The following SRRT variants were observed in gnomAD, a reference collection of about 807,000 sequenced individuals.
SRRT encodes serrate, RNA effector molecule.
In SRRT, 32 loss-of-function variants were observed where a neutral mutation model predicts 103.2. That is an observed-to-expected ratio of 0.31 (90% confidence interval 0.23 to 0.42). SRRT has a LOEUF of 0.42. Among genes scored for constraint, SRRT ranks in the 10% least tolerant of loss-of-function variants. SRRT has a pLI of 1.00. For missense variants in SRRT, 986 were observed against 1,207.5 expected, an observed-to-expected ratio of 0.82 and a Z score of 2.72; for synonymous variants, 525 against 449.0, an observed-to-expected ratio of 1.17 and a Z score of -2.14.
Position 100,881,703 on chromosome 7 carries a change from C to T in SRRT, c.296C>T (p.Pro99Leu). 2 of 1,614,036 alleles carry T rather than the reference C, an allele frequency of 1.2e-6. No homozygotes were observed. Among genetic ancestry groups the T allele is most frequent in the Admixed American group, 1.7e-5 (1 of 60,012 alleles). The change falls in exon 4 of 20, where the codon CCC (proline) becomes CTC (leucine). Residue 99 changes from proline (P) to leucine (L), a missense_variant. This residue lies in a region of SRRT where 274 missense variants were observed against 358.5 expected (regional missense o/e 0.76). Coordinates refer to ENST00000611405, the MANE Select transcript of SRRT (RefSeq NM_015908.6). ...SDPYHSGYEM[P>L]YAGGGGGPTY... The stretch of plus-strand genomic sequence containing the variant: ...CCATACCACAGTGGCTATGAGATGC[C>T]CTATGCTGGGGGGGGTGGGGGCCCA...
rs1392212542 is a variant in SRRT, at chr7:100,881,702, C to T, written c.295C>T (p.Pro99Ser). The T allele has an allele frequency of 2.5e-6, 4 of 1,614,054 alleles. No individual in the cohort carries two copies. The highest frequency in any genetic ancestry group is 3.4e-6 in the Non-Finnish European group (4 of 1,180,008). ...SDPYHSGYEMPYAGGGGGPTY... is the reference protein window; with the variant it reads ...SDPYHSGYEMSYAGGGGGPTY... ...CCCATACCACAGTGGCTATGAGATGCCCTATGCTGGGGGGGGTGGGGGCCC... is the reference window on the plus strand; with the variant it reads ...CCCATACCACAGTGGCTATGAGATGTCCTATGCTGGGGGGGGTGGGGGCCC... Residue 99 changes from proline (P) to serine (S), a missense_variant, in exon 4 of 20, where the codon CCC (proline) becomes TCC (serine). By Grantham distance (74) the Pro-to-Ser change is moderately conservative (BLOSUM62 -1). This residue lies in a region of SRRT where 274 missense variants were observed against 358.5 expected (regional missense o/e 0.76). Coordinates refer to ENST00000611405, the MANE Select transcript of SRRT (RefSeq NM_015908.6).
Position 100,882,284 on chromosome 7 carries a change from C to T in SRRT, c.587+43C>T, listed in dbSNP as rs750297183. 5.6e-6 allele frequency: 9 copies of T among 1,593,200 alleles called. No individual in the cohort carries two copies. The South Asian group carries it at 9.0e-5, about 16-fold the overall frequency. ...CCTGGACCTCTGCCCTGGCATGTCC[C>T]CCTGGCCCCGCTGGTGGAGCCACAG... On this transcript the variant is annotated intron_variant, in intron 5 of 19. Coordinates refer to ENST00000611405, the MANE Select transcript of SRRT (RefSeq NM_015908.6). The surrounding 1 kb of genome is among the most constrained non-coding windows in gnomAD (Gnocchi z 4.2).
Position 100,875,132 on chromosome 7 carries a change from C to G in SRRT, c.-215C>G, listed in dbSNP as rs1300738784. 6.2e-6 allele frequency: 1 copy of G among 160,886 alleles called. No individual in the cohort carries two copies. Among genetic ancestry groups the G allele is most frequent in the Non-Finnish European group, 1.4e-5 (1 of 72,650 alleles). 10.0% of individuals were successfully genotyped at this position (160,886 alleles called of 1,614,324 possible). On this transcript the variant is annotated 5_prime_UTR_variant, in exon 1 of 20. Transcript: ENST00000611405. Reference sequence around the variant, plus strand: ...CTTTGTGCCTCGGAGGCGTGGGTGACGCAGGCGCAGCGCGGGCTGCGCGCG... The same window carrying G: ...CTTTGTGCCTCGGAGGCGTGGGTGAGGCAGGCGCAGCGCGGGCTGCGCGCG...
chr7:100,876,997 C>G (rs1462711647), intron 2 of SRRT, among the ~76,000 whole-genome samples: 1 of 152,080 alleles, frequency 6.6e-6, no homozygotes, highest in Non-Finnish European at 1.5e-5. Flanking sequence ...CATAGGGGGT[C>G]TCCGAGGCTA....
intron 12 of SRRT, 108 bp downstream of exon 12, chr7:100,886,049 T>C: frequency 7.1e-7 from 1 of 1,400,232 alleles, no homozygotes; most frequent in African/African-American, 1.4e-5. Context: ...TGCACACTCT[T>C]TGACCGTTTT....
At chr7:100,886,693 G>T in intron 13 of SRRT, 102 bp from the exon 14 acceptor site, 1 of 1,348,056 alleles carries the variant, frequency 7.4e-7, no homozygotes, top group East Asian at 2.4e-5. Flanking sequence ...ATTTATGTCC[G>T]GTGAACTCCT....
Position 100,887,236 on chromosome 7 carries a change from C to CT in SRRT, c.1975+37dup. 1 of 1,613,296 alleles carries CT rather than the reference C, an allele frequency of 6.2e-7. No individual in the cohort carries two copies. The highest frequency in any genetic ancestry group is 8.5e-7 in the Non-Finnish European group (1 of 1,179,382). On this transcript the variant is annotated intron_variant, in intron 15 of 19. Transcript: ENST00000611405. The surrounding 1 kb of genome is among the most constrained non-coding windows in gnomAD (Gnocchi z 4.1). ...GGTTCCCCTTTGTTCCCGGCTGCCCCTGGCCTTGGTCCTCCAGCCCCTTGC... is the reference window on the plus strand; with the variant it reads ...GGTTCCCCTTTGTTCCCGGCTGCCCCTTGGCCTTGGTCCTCCAGCCCCTTGC...
chr7:100,875,186 T>G lies in SRRT; in HGVS notation c.-161T>G. On this transcript the variant is annotated 5_prime_UTR_variant, in exon 1 of 20. Coordinates refer to ENST00000611405, the MANE Select transcript of SRRT (RefSeq NM_015908.6). ...CTGCCCATCCCCGGTTGTCCCACTT[T>G]TGTTCGCCTCTCTTCGGCCCTCTAC... 1 of 185,072 alleles carries G rather than the reference T, an allele frequency of 5.4e-6. No individual in the cohort carries two copies. Among genetic ancestry groups the G allele is most frequent in the Admixed American group, 5.6e-5 (1 of 17,986 alleles). 11.5% of individuals were successfully genotyped at this position (185,072 alleles called of 1,614,324 possible).
Position 100,888,153 on chromosome 7 carries a change from G to A in SRRT, c.2428+10G>A, listed in dbSNP as rs367787853. 8 of 1,608,554 alleles carry A rather than the reference G, an allele frequency of 5.0e-6. No individual in the cohort carries two copies. In the African/African-American group the frequency reaches 9.4e-5, roughly 19 times the overall value. Reference sequence around the variant, plus strand: ...ATCTTGGGCTATGGAGGTAAGTACAGGAGGGAGATGAAGGGGCTTGGTGAG... The same window carrying A: ...ATCTTGGGCTATGGAGGTAAGTACAAGAGGGAGATGAAGGGGCTTGGTGAG... On this transcript the variant is annotated intron_variant, in intron 18 of 19. Transcript: ENST00000611405.
At chr7:100,879,048 G>A (rs553987791) in intron 2 of SRRT, among the ~76,000 whole-genome samples, 6 of 151,758 alleles carry the variant, frequency 4.0e-5, no homozygotes, top group African/African-American at 1.2e-4. Context: ...TCCATCTTCC[G>A]GGTTCAAAAC....
In SRRT at chr7:100,887,584, A is replaced by G. The variant is rs2115904487; in HGVS notation, c.2169+71A>G. 1 of 1,587,200 alleles carries G rather than the reference A, an allele frequency of 6.3e-7. No individual in the cohort carries two copies. The highest frequency in any genetic ancestry group is 2.2e-5 in the East Asian group (1 of 44,594). On this transcript the variant is annotated intron_variant, in intron 16 of 19. Coordinates refer to ENST00000611405, the MANE Select transcript of SRRT (RefSeq NM_015908.6). The surrounding 1 kb of genome is among the most constrained non-coding windows in gnomAD (Gnocchi z 4.1). ...GGTTGAGACAGGAAGCCCCCTGGGC[A>G]GGGGTGGGGGAACTGCTTACTGCAC... is the stretch of plus-strand genomic sequence containing the variant.
intron 5 of SRRT, 127 bp from the exon 6 acceptor site, chr7:100,883,943 A>G (rs935575273): frequency 3.7e-6 from 4 of 1,067,138 alleles, no homozygotes; most frequent in Non-Finnish European, 5.3e-6. Flanking sequence ...TAATCTCTCT[A>G]TTTTGATGAC....
rs750835869 is a variant in SRRT at position 100,886,806 on chromosome 7, G to A, written c.1659G>A (p.Ser553=). ...GTPPLPTSLP[S]QNPILKNITD... ...CTTCCTCCCATCAGAGCCTGCCCTC[G>A]CAAAACCCGATCTTGAAGAATATCA... The change falls in exon 14 of 20, where the codon TCG becomes TCA. Residue 553 remains serine (S), a synonymous_variant. Coordinates refer to ENST00000611405, the MANE Select transcript of SRRT (RefSeq NM_015908.6). The A allele has an allele frequency of 5.0e-6, 8 of 1,614,020 alleles. No individual in the cohort carries two copies. Among genetic ancestry groups the A allele is most frequent in the Middle Eastern group, 1.6e-4 (1 of 6,062 alleles).
intron 1 of SRRT, 56 bp from the exon 2 acceptor site, chr7:100,875,517 T>TC (rs1259292315): frequency 3.1e-6 from 5 of 1,598,306 alleles, no homozygotes; most frequent in Non-Finnish European, 4.3e-6. Context: ...CGAGGGACGG[T>TC]CCCTTCCTCC....
chr7:100,877,830 A>G (rs1022441980), intron 2 of SRRT, among the ~76,000 whole-genome samples: 4 of 152,136 alleles, frequency 2.6e-5, no homozygotes, highest in Admixed American at 1.3e-4. Context: ...AAGAGTACGC[A>G]TGTGATTGAG....
Position 100,886,817 on chromosome 7 carries a change from T to C in SRRT, c.1670T>C (p.Ile557Thr). 4 of 1,614,030 alleles carry C rather than the reference T, an allele frequency of 2.5e-6. No individual in the cohort carries two copies. Among genetic ancestry groups the C allele is most frequent in the Non-Finnish European group, 3.4e-6 (4 of 1,180,006 alleles). Residue 557 changes from isoleucine (I) to threonine (T), a missense_variant, in exon 14 of 20, where the codon ATC becomes ACC. Coordinates refer to ENST00000611405, the MANE Select transcript of SRRT (RefSeq NM_015908.6). ...LPTSLPSQNPILKNITDYLIE... is the reference protein window; with the variant it reads ...LPTSLPSQNPTLKNITDYLIE... ...CAGAGCCTGCCCTCGCAAAACCCGATCTTGAAGAATATCACCGACTACCTG... is the reference window on the plus strand; with the variant it reads ...CAGAGCCTGCCCTCGCAAAACCCGACCTTGAAGAATATCACCGACTACCTG...
Position 100,880,463 on chromosome 7 carries a change from T to C in SRRT, c.123-822T>C, listed in dbSNP as rs186731811. On this transcript the variant is annotated intron_variant, in intron 2 of 19. Transcript: ENST00000611405. ...GACTACAGGTGGCTGCCACCACGCCTGGCTAATTTTTTTTTGTATTTTTAG... is the reference window on the plus strand; with the variant it reads ...GACTACAGGTGGCTGCCACCACGCCCGGCTAATTTTTTTTTGTATTTTTAG... 1.7e-3 allele frequency among the ~76,000 whole-genome samples: 256 copies of C among 152,180 alleles called. 1 individual carries two copies. Among genetic ancestry groups the C allele is most frequent in the African/African-American group, 6.0e-3 (248 of 41,512 alleles).
intron 2 of SRRT, among the ~76,000 whole-genome samples, chr7:100,876,198 C>G (rs1266014615): frequency 6.6e-6 from 1 of 152,160 alleles, no homozygotes; most frequent in African/African-American, 2.4e-5. Context: ...GTCGCCCAGG[C>G]TGGAGTGCAA....
intron 2 of SRRT, among the ~76,000 whole-genome samples, chr7:100,879,824 A>G (rs12705093): frequency 0.06 from 8,991 of 149,704 alleles, 437 homozygotes; most frequent in Non-Finnish European, 0.091. Flanking sequence ...AAAAAAAAAA[A>G]AAGAAGAAGA....
Sources: allele counts gnomAD v4.1 joint callset (sites outside exome capture counted in the v4.1 genomes callset), GRCh38; gene constraint gnomAD v4.1.1; regional missense constraint gnomAD v4.1.1; non-coding constraint Gnocchi (gnomAD v3.1); transcripts MANE v1.5; gene names NCBI Gene and HGNC (gene_info 2026-07-23, HGNC 2026-07-21).